The following LEKR1 variants were observed in gnomAD, a reference collection of about 807,000 sequenced individuals.
LEKR1 encodes leucine, glutamate and lysine rich 1.
In LEKR1, 59 loss-of-function variants were observed where a neutral mutation model predicts 72.4. The ratio of observed to expected loss-of-function variants is 0.82; its 90% CI spans 0.66 to 1.01. The LOEUF (loss-of-function observed/expected upper bound fraction) is 1.01, where lower values mean the gene tolerates loss of function less well. LEKR1 is among the 50% of genes least tolerant of loss of function. The pLI is 0.00. For synonymous variants in LEKR1, 257 were observed against 263.2 expected (o/e 0.98, Z 0.23); for missense variants, 728 against 759.2 (o/e 0.96, Z 0.48).
Position 156,829,459 on chromosome 3 carries a change from A to T in LEKR1, c.48+82A>T. On this transcript the variant is annotated intron_variant, in intron 2 of 12. Coordinates refer to ENST00000356539, the MANE Select transcript of LEKR1 (RefSeq NM_001004316.3). Reference sequence around the variant, plus strand: ...TTCTAAAACCTAGAGGAGTGAATTCATTAATTTTGGTCATAGGATCTGAAT... The same window carrying T: ...TTCTAAAACCTAGAGGAGTGAATTCTTTAATTTTGGTCATAGGATCTGAAT... The T allele has an allele frequency of 6.1e-6, 6 of 978,830 alleles. No homozygotes were observed. The South Asian group carries it at 9.7e-5, about 16-fold the overall frequency. The allele number at this position is 978,830 out of a possible 1,614,324, so 60.6% of individuals were successfully genotyped here. A position where few individuals can be genotyped will look rare whatever the true frequency, so the allele number is the denominator to read the frequency against.
chr3:157,022,778 T>C (rs1429246092), intron 10 of LEKR1, among the ~76,000 whole-genome samples: 2 of 152,184 alleles, frequency 1.3e-5, no homozygotes, highest in African/African-American at 4.8e-5. Context: ...GAGACTTCCT[T>C]TGTCTTCAGC....
At chr3:156,952,007 A>G (rs1727199555) in intron 6 of LEKR1, among the ~76,000 whole-genome samples, 1 of 151,458 alleles carries the variant, frequency 6.6e-6, no homozygotes, top group Non-Finnish European at 1.5e-5. Context: ...TTCATCTTTG[A>G]GTGTATGAAA....
At chr3:156,924,494 G>T in intron 4 of LEKR1, 2 of 685,512 alleles carry the variant, frequency 2.9e-6, no homozygotes, top group Non-Finnish European at 5.3e-6. Flanking sequence ...CTGTTTTATA[G>T]ATTGTGCTTT....
At chr3:156,874,719 A>T (rs1718363270) in intron 3 of LEKR1, among the ~76,000 whole-genome samples, 1 of 152,040 alleles carries the variant, frequency 6.6e-6, no homozygotes, top group African/African-American at 2.4e-5. Context: ...CCCTAAGTTC[A>T]TTATATTATT....
intron 5 of LEKR1, among the ~76,000 whole-genome samples, chr3:156,932,722 A>G (rs80274301): frequency 0.08 from 9,480 of 118,224 alleles, 395 homozygotes; most frequent in African/African-American, 0.12. Context: ...AAAAAAAAAA[A>G]AGGGTATCTA....
chr3:156,970,492 G>A (rs1213139024), intron 6 of LEKR1, among the ~76,000 whole-genome samples: 1 of 152,052 alleles, frequency 6.6e-6, no homozygotes, highest in Non-Finnish European at 1.5e-5. Context: ...AATCCATCTT[G>A]AATTGATTTT....
At chr3:156,842,882 C>G (rs1186037960) in intron 2 of LEKR1, among the ~76,000 whole-genome samples, 1 of 152,192 alleles carries the variant, frequency 6.6e-6, no homozygotes, top group African/African-American at 2.4e-5. Flanking sequence ...ACTTGTCAGA[C>G]TTCCATCTTC....
intron 11 of LEKR1, 77 bp downstream of exon 11, chr3:157,025,001 C>T: frequency 1.0e-6 from 1 of 953,200 alleles, no homozygotes; most frequent in South Asian, 1.7e-5. Context: ...TAGAACACTA[C>T]AGTATTTATA....
At chr3:156,991,699 G>A (rs1486371287) in intron 7 of LEKR1, among the ~76,000 whole-genome samples, 1 of 152,090 alleles carries the variant, frequency 6.6e-6, no homozygotes, top group African/African-American at 2.4e-5. Context: ...TTTCCCTGCT[G>A]AGATTTCTCA....
At chr3:156,916,097 C>G (rs1459364837) in intron 3 of LEKR1, among the ~76,000 whole-genome samples, 1 of 152,028 alleles carries the variant, frequency 6.6e-6, no homozygotes, top group Admixed American at 6.6e-5. Flanking sequence ...TCCGAGCTCT[C>G]TCTTCTGTTT....
intron 9 of LEKR1, among the ~76,000 whole-genome samples, chr3:157,008,881 A>G (rs1255582993): frequency 6.6e-6 from 1 of 152,144 alleles, no homozygotes; most frequent in African/African-American, 2.4e-5. Flanking sequence ...TTCTTCATCT[A>G]TATTGTATGC....
chr3:156,983,018 T>C (rs1160372674), intron 7 of LEKR1, among the ~76,000 whole-genome samples: 1 of 152,060 alleles, frequency 6.6e-6, no homozygotes, highest in African/African-American at 2.4e-5. Flanking sequence ...TATGCCCATT[T>C]TTTAATTTTT....
chr3:156,892,745 T>C (rs1490076256), intron 3 of LEKR1, among the ~76,000 whole-genome samples: 1 of 152,232 alleles, frequency 6.6e-6, no homozygotes, highest in African/African-American at 2.4e-5. Context: ...GTTGTTACAG[T>C]ACTTACCCTT....
rs112737172 is a variant in LEKR1 at position 157,000,913 on chromosome 3, T to C, written c.1109+7636T>C. ...AGTTTCCCCAATGCTGTTCTTGTAA[T>C]AGTGAGTGAGTTCTCAAGACATCTA... is the stretch of plus-strand genomic sequence containing the variant. On this transcript the variant is annotated intron_variant, in intron 9 of 12. Coordinates refer to ENST00000356539, the MANE Select transcript of LEKR1 (RefSeq NM_001004316.3). 1.5e-3 allele frequency among the ~76,000 whole-genome samples: 225 copies of C among 152,298 alleles called. 1 individual carries two copies. The highest frequency in any genetic ancestry group is 5.2e-3 in the African/African-American group (218 of 41,574).
Position 157,028,114 on chromosome 3 carries a change from A to C in LEKR1, c.1380A>C (p.Leu460Phe). 6.4e-7 allele frequency: 1 copy of C among 1,574,230 alleles called. No individual in the cohort carries two copies. Among genetic ancestry groups the C allele is most frequent in the Non-Finnish European group, 8.6e-7 (1 of 1,161,186 alleles). ...QEELQMKISDLITGATRDLRQ... is the reference protein window; with the variant it reads ...QEELQMKISDFITGATRDLRQ... ...GATTTATCTTACAGATATCTGACTT[A>C]ATCACAGGCGCTACAAGAGATCTAA... is the stretch of plus-strand genomic sequence containing the variant. The change falls in exon 12 of 13, where the codon TTA (leucine) becomes TTC (phenylalanine). Residue 460 changes from leucine (L) to phenylalanine (F), a missense_variant. By Grantham distance (22) the Leu-to-Phe change is conservative (BLOSUM62 0). Coordinates refer to ENST00000356539, the MANE Select transcript of LEKR1 (RefSeq NM_001004316.3).
chr3:157,003,222 A>G (rs1732146672), intron 9 of LEKR1, among the ~76,000 whole-genome samples: 1 of 152,070 alleles, frequency 6.6e-6, no homozygotes, highest in African/African-American at 2.4e-5. Context: ...TAATCCTGGC[A>G]TTTTGAAAAC....
At chr3:156,907,949 C>G (rs1296920991) in intron 3 of LEKR1, among the ~76,000 whole-genome samples, 1 of 151,746 alleles carries the variant, frequency 6.6e-6, no homozygotes, top group Non-Finnish European at 1.5e-5. Context: ...CTTTCTTTGT[C>G]TTTCATGGTC....
intron 3 of LEKR1, among the ~76,000 whole-genome samples, chr3:156,866,005 G>A (rs949053118): frequency 4.0e-5 from 6 of 151,804 alleles, no homozygotes; most frequent in Admixed American, 3.3e-4. Context: ...TTTGTTTAAT[G>A]TTTGCATTCC....
chr3:156,840,642 A>G (rs1424666604), intron 2 of LEKR1, among the ~76,000 whole-genome samples: 1 of 152,222 alleles, frequency 6.6e-6, no homozygotes, highest in Admixed American at 6.5e-5. Flanking sequence ...GCCTGTTAGC[A>G]TTAACCATGC....
Sources: allele counts gnomAD v4.1 joint callset (sites outside exome capture counted in the v4.1 genomes callset), GRCh38; gene constraint gnomAD v4.1.1; transcripts MANE v1.5; gene names NCBI Gene and HGNC (gene_info 2026-07-23, HGNC 2026-07-21).